FHL5: variants seen among roughly 807,000 people sequenced by gnomAD.
FHL5 encodes the protein four and a half LIM domains protein 5.
FHL5 carries 33 observed loss-of-function variants against 32.0 expected under a neutral mutation model. The observed-to-expected ratio is 1.03, with a 90% CI of 0.78 to 1.38. FHL5 has a LOEUF of 1.38. Among genes scored for constraint, FHL5 ranks in the 40% most tolerant of loss-of-function variants. The pLI, the probability that FHL5 is intolerant of heterozygous loss-of-function variation, is 0.00. For missense variants in FHL5, 336 were observed against 343.9 expected (o/e 0.98, Z 0.18); for synonymous variants, 114 against 113.6 (o/e 1.00, Z -0.02).
At chr6:96,601,721 A>G (rs1771152916) in intron 1 of FHL5, among the ~76,000 whole-genome samples, 1 of 152,260 alleles carries the variant, frequency 6.6e-6, no homozygotes, top group Non-Finnish European at 1.5e-5. Context: ...GACGTTTTCC[A>G]TATTAAGTGA....
intron 1 of FHL5, among the ~76,000 whole-genome samples, chr6:96,600,004 G>A (rs1351835900): frequency 1.3e-5 from 2 of 152,166 alleles, no homozygotes; most frequent in Admixed American, 1.3e-4. Flanking sequence ...TTAGGGAATG[G>A]TTAAAACAAG....
At chr6:96,568,104 T>C (rs539831951) in intron 1 of FHL5, among the ~76,000 whole-genome samples, 13 of 151,988 alleles carry the variant, frequency 8.6e-5, no homozygotes, top group African/African-American at 2.6e-4. Flanking sequence ...TGATATTGGC[T>C]GTGGGTTTGT....
chr6:96,586,428 A>G (rs904745863), intron 1 of FHL5, among the ~76,000 whole-genome samples: 4 of 152,212 alleles, frequency 2.6e-5, no homozygotes, highest in Non-Finnish European at 5.9e-5. Context: ...TGAGGCAACA[A>G]GAAGGATAAG....
chr6:96,570,788 CTATTG>C (rs138553608), intron 1 of FHL5, among the ~76,000 whole-genome samples: 65 of 152,038 alleles, frequency 4.3e-4, no homozygotes, highest in African/African-American at 1.6e-3. Context: ...CTGAAGCTCT[CTATTG>C]TATTTTATAT....
At chr6:96,604,956 T>G in intron 3 of FHL5, 32 bp downstream of exon 3, 1 of 1,522,444 alleles carries the variant, frequency 6.6e-7, no homozygotes, top group South Asian at 1.3e-5. Flanking sequence ...TGTCTCTAAC[T>G]GAAGCTGTGA....
intron 1 of FHL5, among the ~76,000 whole-genome samples, chr6:96,590,981 G>T (rs113972934): frequency 0.026 from 3,974 of 152,086 alleles, 60 homozygotes; most frequent in Non-Finnish European, 0.031. Context: ...GGATTTAGTT[G>T]CTTGTTATTT....
chr6:96,616,742 C>T lies in FHL5; in HGVS notation c.*970C>T, dbSNP rs1771529501. The T allele has an allele frequency of 6.6e-6, 1 of 152,182 alleles. No individual in the cohort carries two copies. Among genetic ancestry groups the T allele is most frequent in the South Asian group, 2.1e-4 (1 of 4,830 alleles). The allele number at this position is 152,182 out of a possible 1,614,324, so 9.4% of individuals were successfully genotyped here. A position where few individuals can be genotyped will look rare whatever the true frequency, so the allele number is the denominator to read the frequency against. On this transcript the variant is annotated 3_prime_UTR_variant, in exon 6 of 6. Coordinates refer to ENST00000450218, the MANE Select transcript of FHL5 (RefSeq NM_001322466.2). ...TGCATAATTAGCTCTGTGCCTCATG[C>T]ATTATTGCCTTCTAAAATTACATAA...
At chr6:96,586,171 C>A (rs1770793227) in intron 1 of FHL5, among the ~76,000 whole-genome samples, 1 of 152,204 alleles carries the variant, frequency 6.6e-6, no homozygotes, top group Non-Finnish European at 1.5e-5. Flanking sequence ...ACTATGAGCA[C>A]ACAAAGCCCT....
At chr6:96,565,310 T>C (rs1770333370) in intron 1 of FHL5, among the ~76,000 whole-genome samples, 2 of 152,186 alleles carry the variant, frequency 1.3e-5, no homozygotes, top group African/African-American at 4.8e-5. Flanking sequence ...AATAGTGTGA[T>C]GTGGAGAACA....
intron 1 of FHL5, among the ~76,000 whole-genome samples, chr6:96,563,725 T>C (rs1770295350): frequency 6.6e-6 from 1 of 152,156 alleles, no homozygotes; most frequent in African/African-American, 2.4e-5. Flanking sequence ...CTTAATTTAT[T>C]TGAATGAATA....
chr6:96,584,272 G>C (rs531129465), intron 1 of FHL5, among the ~76,000 whole-genome samples: 1 of 152,150 alleles, frequency 6.6e-6, no homozygotes, highest in Non-Finnish European at 1.5e-5. Context: ...GACCTTGACC[G>C]ATGAGGATAA....
chr6:96,603,784 C>G lies in FHL5; in HGVS notation c.159+12C>G, dbSNP rs375392673. On this transcript the variant is annotated intron_variant, in intron 2 of 5. Transcript: ENST00000450218. ...AATCTGATTCTAAGGTAAGTCTCAC[C>G]TCAATTTACAGAATTACTGCCTATG... The G allele has an allele frequency of 6.3e-7, 1 of 1,598,998 alleles. No individual in the cohort carries two copies. The highest frequency in any genetic ancestry group is 1.3e-5 in the African/African-American group (1 of 74,606).
At chr6:96,593,878 C>A (rs536357052) in intron 1 of FHL5, among the ~76,000 whole-genome samples, 3 of 152,160 alleles carry the variant, frequency 2.0e-5, no homozygotes, top group Admixed American at 2.0e-4. Context: ...TGGTTCACAG[C>A]AGCCTCATGG....
intron 1 of FHL5, among the ~76,000 whole-genome samples, chr6:96,566,165 T>C (rs1770353262): frequency 6.6e-6 from 1 of 152,020 alleles, no homozygotes; most frequent in Admixed American, 6.6e-5. Context: ...CCCCTACCCT[T>C]TTCTGCTTCC....
At chr6:96,594,125 T>C (rs1770978431) in intron 1 of FHL5, among the ~76,000 whole-genome samples, 1 of 150,516 alleles carries the variant, frequency 6.6e-6, no homozygotes, top group African/African-American at 2.4e-5. Context: ...TTATTATACT[T>C]ATGTTAAATA....
At position 96,606,064 on chromosome 6, in the gene FHL5, G is replaced by T. The variant is rs763773493; in HGVS notation, c.497G>T (p.Cys166Phe). 4 of 1,613,156 alleles carry T rather than the reference G, an allele frequency of 2.5e-6. No individual in the cohort carries two copies. The highest frequency in any genetic ancestry group is 1.3e-5 in the African/African-American group (1 of 75,014). ...GAGTTTGCTCACTACTGCAACTTTT[G>T]TAAGAAGGTAATTTTCTAAAGAGGG... ...EKEFAHYCNF[C>F]KKVITSGGIT... Residue 166 changes from cysteine to phenylalanine, a missense_variant, in exon 4 of 6, where the codon TGT (cysteine) becomes TTT (phenylalanine). By Grantham distance (205) the Cys-to-Phe change is radical. Coordinates refer to ENST00000450218, the MANE Select transcript of FHL5 (RefSeq NM_001322466.2).
At chr6:96,576,941 C>T (rs1418749458) in intron 1 of FHL5, among the ~76,000 whole-genome samples, 1 of 152,276 alleles carries the variant, frequency 6.6e-6, no homozygotes, top group East Asian at 1.9e-4. Flanking sequence ...TCCCCATTTC[C>T]TTATATACAG....
chr6:96,587,325 C>T (rs114401110), intron 1 of FHL5, among the ~76,000 whole-genome samples: 5,752 of 152,152 alleles, frequency 0.038, 139 homozygotes, highest in African/African-American at 0.052. Context: ...TTCTGACTTC[C>T]TTTTGTTTCC....
intron 1 of FHL5, among the ~76,000 whole-genome samples, chr6:96,583,726 C>A (rs1770741047): frequency 6.6e-6 from 1 of 152,024 alleles, no homozygotes; most frequent in African/African-American, 2.4e-5. Context: ...TCAAAGGCTG[C>A]CTTCTTCAGT....
Sources: gnomAD v4.1 joint callset for allele counts (sites outside exome capture counted in the v4.1 genomes callset) on GRCh38, gnomAD v4.1.1 for gene constraint, MANE v1.5 for transcripts, NCBI Gene and HGNC (gene_info 2026-07-23, HGNC 2026-07-21) for gene names.